HCN1: variants seen among roughly 807,000 people sequenced by gnomAD.
The protein encoded by HCN1 is potassium/sodium hyperpolarization-activated cyclic nucleotide-gated channel 1.
A neutral mutation model predicts 78.9 loss-of-function variants in HCN1; 13 were observed. That is an observed-to-expected ratio of 0.16 (90% CI 0.11 to 0.26). The LOEUF is 0.26. HCN1 is among the 10% of genes least tolerant of loss of function. HCN1 has a pLI of 1.00. For synonymous variants in HCN1, 552 were observed against 455.5 expected (o/e 1.21, Z -2.70); for missense variants, 810 against 1,154.3 (o/e 0.70, Z 4.32).
At chr5:45,400,290 A>C (rs2112044076) in intron 3 of HCN1, among the ~76,000 whole-genome samples, 1 of 152,236 alleles carries the variant, frequency 6.6e-6, no homozygotes, top group Non-Finnish European at 1.5e-5. Flanking sequence ...GTTTTTCAGA[A>C]TAATACAGCT....
chr5:45,541,562 T>G (rs1025316954), intron 2 of HCN1, among the ~76,000 whole-genome samples: 8 of 152,162 alleles, frequency 5.3e-5, no homozygotes, highest in Non-Finnish European at 1.2e-4. Flanking sequence ...TCATTTATTT[T>G]TTGTCTGTCA....
chr5:45,494,811 T>C (rs1320355204), intron 2 of HCN1, among the ~76,000 whole-genome samples: 2 of 152,360 alleles, frequency 1.3e-5, no homozygotes, highest in East Asian at 3.9e-4. Flanking sequence ...TTCAGCTTTC[T>C]ACATATGGCT....
In HCN1 at chr5:45,319,721, C is replaced by T. The variant is rs1422235702; in HGVS notation, c.1378-15882G>A. On this transcript the variant is annotated intron_variant, in intron 5 of 7. Coordinates refer to ENST00000303230, the MANE Select transcript of HCN1 (RefSeq NM_021072.4). Reference sequence around the variant, plus strand: ...GTTTTTTTTTTAGCTTTAGAACTTCCAGAAAAAAAATGAGTTTGATATATT... The same window carrying T: ...GTTTTTTTTTTAGCTTTAGAACTTCTAGAAAAAAAATGAGTTTGATATATT... Among the ~76,000 whole-genome samples, 3 of 150,416 alleles carry T rather than the reference C, an allele frequency of 2.0e-5. No homozygotes were observed. In the East Asian group the frequency reaches 5.8e-4, roughly 29 times the overall value.
At chr5:45,679,758 A>C (rs1485775578) in intron 1 of HCN1, among the ~76,000 whole-genome samples, 1 of 152,110 alleles carries the variant, frequency 6.6e-6, no homozygotes, top group African/African-American at 2.4e-5. Flanking sequence ...TCTTGGGAGA[A>C]ATGCTATTTT....
intron 5 of HCN1, among the ~76,000 whole-genome samples, chr5:45,330,942 G>A (rs1746331471): frequency 6.6e-6 from 1 of 151,126 alleles, no homozygotes; most frequent in African/African-American, 2.4e-5. Flanking sequence ...CTTTAAAAAT[G>A]TTATTTTATA....
intron 5 of HCN1, among the ~76,000 whole-genome samples, chr5:45,324,179 T>C (rs1488819538): frequency 1.3e-5 from 2 of 151,856 alleles, no homozygotes; most frequent in Non-Finnish European, 2.9e-5. Flanking sequence ...CTAAAGAGCT[T>C]CTGCACAGCA....
chr5:45,266,821 G>A (rs371809110), intron 7 of HCN1, among the ~76,000 whole-genome samples: 1 of 151,432 alleles, frequency 6.6e-6, no homozygotes, highest in Non-Finnish European at 1.5e-5. Flanking sequence ...AGATTCTCCT[G>A]CCTCAGCCTT....
intron 2 of HCN1, among the ~76,000 whole-genome samples, chr5:45,549,933 C>T (rs932237082): frequency 3.9e-5 from 6 of 152,122 alleles, no homozygotes; most frequent in African/African-American, 2.4e-5. Context: ...AAATGCAAAT[C>T]GAAACCACAG....
At chr5:45,425,745 A>T (rs916915933) in intron 3 of HCN1, among the ~76,000 whole-genome samples, 5 of 152,220 alleles carry the variant, frequency 3.3e-5, no homozygotes, top group South Asian at 2.1e-4. Context: ...TCAAGGATAG[A>T]AATGTATTGT....
chr5:45,381,570 A>G (rs1345409706), intron 4 of HCN1, among the ~76,000 whole-genome samples: 1 of 152,066 alleles, frequency 6.6e-6, no homozygotes, highest in Non-Finnish European at 1.5e-5. Context: ...GCTCCATTTC[A>G]TCCATCAGGG....
chr5:45,397,160 T>G (rs961098276), intron 3 of HCN1, among the ~76,000 whole-genome samples: 1 of 152,294 alleles, frequency 6.6e-6, no homozygotes. Flanking sequence ...TAAAAATCCA[T>G]ATTGATATAG....
rs191576463 is a variant in HCN1 at position 45,479,526 on chromosome 5, C to A, written c.850-17519G>T. 8.5e-5 allele frequency among the ~76,000 whole-genome samples: 13 copies of A among 152,226 alleles called. No homozygotes were observed. The East Asian group carries it at 2.1e-3, about 25-fold the overall frequency. ...AGCTTCAGATAATGATAAGCTGATG[C>A]TGTGGCAGAAGAAATAAAAGGCAAT... On this transcript the variant is annotated intron_variant, in intron 2 of 7. Transcript: ENST00000303230.
intron 5 of HCN1, among the ~76,000 whole-genome samples, chr5:45,341,080 A>T (rs1338385336): frequency 1.3e-5 from 2 of 152,040 alleles, no homozygotes; most frequent in Non-Finnish European, 2.9e-5. Flanking sequence ...TTTTTATTTG[A>T]TCTTTATTCC....
chr5:45,484,640 G>A (rs1294468402), intron 2 of HCN1, among the ~76,000 whole-genome samples: 1 of 152,056 alleles, frequency 6.6e-6, no homozygotes, highest in Admixed American at 6.6e-5. Context: ...TAGTGGAGCT[G>A]AGAATAAGTA....
In HCN1 at chr5:45,260,729, G is replaced by C. The variant is rs924027698; in HGVS notation, c.*1192C>G. The C allele has an allele frequency of 2.6e-5, 4 of 152,476 alleles. No individual in the cohort carries two copies. The highest frequency in any genetic ancestry group is 5.9e-5 in the Non-Finnish European group (4 of 68,014). 9.4% of individuals were successfully genotyped at this position (152,476 alleles called of 1,614,324 possible). On this transcript the variant is annotated 3_prime_UTR_variant, in exon 8 of 8. Transcript: ENST00000303230. ...ACAAATAATTATTTAAATAATAATA[G>C]CAATAATATTAAATAAAAGTGAAAA... is the stretch of plus-strand genomic sequence containing the variant.
chr5:45,676,577 G>A (rs1372219195), intron 1 of HCN1, among the ~76,000 whole-genome samples: 2 of 151,400 alleles, frequency 1.3e-5, no homozygotes, highest in Non-Finnish European at 3.0e-5. Context: ...ATCAAAAGGA[G>A]GTAGAAGACA....
chr5:45,320,810 G>A, intron 5 of HCN1, among the ~76,000 whole-genome samples: 1 of 151,828 alleles, frequency 6.6e-6, no homozygotes, highest in East Asian at 1.9e-4. Flanking sequence ...TTAAAAATCC[G>A]AATGGTTTTT....
At chr5:45,622,446 G>C (rs913225352) in intron 2 of HCN1, among the ~76,000 whole-genome samples, 1 of 152,072 alleles carries the variant, frequency 6.6e-6, no homozygotes, top group African/African-American at 2.4e-5. Flanking sequence ...AAGTCTAGCT[G>C]TGCCCATATT....
chr5:45,624,858 A>G (rs1243882115), intron 2 of HCN1, among the ~76,000 whole-genome samples: 1 of 152,050 alleles, frequency 6.6e-6, no homozygotes, highest in East Asian at 1.9e-4. Context: ...TGTGGTAAGT[A>G]ATGAGGCTGG....
Sources: allele counts gnomAD v4.1 joint callset (sites outside exome capture counted in the v4.1 genomes callset), GRCh38; gene constraint gnomAD v4.1.1; transcripts MANE v1.5; gene names NCBI Gene and HGNC (gene_info 2026-07-23, HGNC 2026-07-21).